The following METTL15 variants were observed in gnomAD, a reference collection of about 807,000 sequenced individuals.
METTL15 encodes the protein 12S rRNA N(4)-cytidine methyltransferase METTL15.
In METTL15, 34 loss-of-function variants were observed where a neutral mutation model predicts 38.3. That is an observed-to-expected ratio of 0.89 (90% CI 0.68 to 1.18). METTL15 has a LOEUF of 1.18. METTL15 is among the 50% of genes most tolerant of loss of function. METTL15 has a pLI of 0.00. For synonymous variants in METTL15, 162 were observed against 170.9 expected (o/e 0.95, Z 0.41); for missense variants, 438 against 498.4 (o/e 0.88, Z 1.15).
At chr11:28,253,192 A>G (rs1477812701) in intron 4 of METTL15, among the ~76,000 whole-genome samples, 2 of 152,100 alleles carry the variant, frequency 1.3e-5, no homozygotes, top group Admixed American at 1.3e-4. Flanking sequence ...TGAAATTGCT[A>G]CTCAGTAGGC....
chr11:28,213,742 G>A (rs1275658229), intron 4 of METTL15, among the ~76,000 whole-genome samples: 5 of 148,198 alleles, frequency 3.4e-5, no homozygotes, highest in Admixed American at 6.8e-5. Context: ...TGCAAGGTCC[G>A]CCTCCCGGGT....
rs1384767467 is a variant in METTL15, at chr11:28,330,588, T to C, written c.971T>C (p.Leu324Pro). The change falls in exon 7 of 7, where the codon CTA becomes CCA. Residue 324 changes from leucine (L) to proline (P), a missense_variant. Leu to Pro is a moderately conservative substitution (Grantham distance 98). Transcript: ENST00000407364. Reference sequence around the variant, plus strand: ...CTTGTTGCCCTCTCCTTCCATTCACTAGAGGATCGCATCGTCAAAAGATTT... The same window carrying C: ...CTTGTTGCCCTCTCCTTCCATTCACCAGAGGATCGCATCGTCAAAAGATTT... ...GRLVALSFHSLEDRIVKRFLL... is the reference protein window; with the variant it reads ...GRLVALSFHSPEDRIVKRFLL... The C allele has an allele frequency of 6.4e-7, 1 of 1,551,544 alleles. No individual in the cohort carries two copies. Among genetic ancestry groups the C allele is most frequent in the Admixed American group, 2.0e-5 (1 of 50,984 alleles).
At chr11:28,299,659 A>G (rs555544676) in intron 6 of METTL15, among the ~76,000 whole-genome samples, 1 of 152,138 alleles carries the variant, frequency 6.6e-6, no homozygotes, top group Non-Finnish European at 1.5e-5. Context: ...GAGGTACTAC[A>G]TAAAGAAAAT....
chr11:28,130,674 A>G (rs984395149), intron 3 of METTL15, among the ~76,000 whole-genome samples: 4 of 152,312 alleles, frequency 2.6e-5, no homozygotes, highest in East Asian at 1.9e-4. Context: ...GTGTCAGTCT[A>G]CATGCGCAGA....
chr11:28,528,861 A>G (rs1851828633), downstream of METTL15, among the ~76,000 whole-genome samples: 1 of 152,212 alleles, frequency 6.6e-6, no homozygotes, highest in Non-Finnish European at 1.5e-5. Context: ...TGAAGCAGAA[A>G]TATTGTAATG....
intron 3 of METTL15, among the ~76,000 whole-genome samples, chr11:28,134,389 C>T (rs1376992758): frequency 3.9e-5 from 6 of 152,150 alleles, no homozygotes; most frequent in Admixed American, 6.5e-5. Flanking sequence ...TTCCCCCGTG[C>T]GTATGTGGGC....
chr11:28,144,620 T>A (rs184887410), intron 3 of METTL15, among the ~76,000 whole-genome samples: 1 of 152,060 alleles, frequency 6.6e-6, no homozygotes, highest in Non-Finnish European at 1.5e-5. Flanking sequence ...GGTTTAGATA[T>A]ATATATGTGC....
intron 3 of METTL15, among the ~76,000 whole-genome samples, chr11:28,164,958 T>C (rs1403379410): frequency 1.3e-5 from 2 of 152,174 alleles, no homozygotes; most frequent in African/African-American, 2.4e-5. Flanking sequence ...AGTATCTGGC[T>C]AATTTCACTT....
chr11:28,448,954 G>A lies in METTL15; in HGVS notation c.*424+24590G>A, dbSNP rs572739303. Among the ~76,000 whole-genome samples the A allele has an allele frequency of 4.6e-5, 7 of 152,222 alleles. No individual in the cohort carries two copies. The South Asian group carries it at 1.5e-3, about 32-fold the overall frequency. On this transcript the variant is annotated intron_variant and NMD_transcript_variant, in intron 6 of 7. Coordinates refer to the METTL15 transcript ENST00000532947. Reference sequence around the variant, plus strand: ...AAATAATTTGCATTTGGGAGGGTTGGGGTGGCCAAAACCTTCTGAAGTAAA... The same window carrying A: ...AAATAATTTGCATTTGGGAGGGTTGAGGTGGCCAAAACCTTCTGAAGTAAA...
intron 3 of METTL15, among the ~76,000 whole-genome samples, chr11:28,116,426 A>G (rs545929200): frequency 1.3e-5 from 2 of 152,328 alleles, no homozygotes; most frequent in African/African-American, 4.8e-5. Context: ...AGTTATTTTT[A>G]TATCTTTCTT....
chr11:28,341,588 T>A (rs1849953205), intron 3 of METTL15, among the ~76,000 whole-genome samples: 2 of 152,226 alleles, frequency 1.3e-5, no homozygotes, highest in South Asian at 4.1e-4. Flanking sequence ...AAAATGAGGA[T>A]GTTAACACCT....
intron 3 of METTL15, among the ~76,000 whole-genome samples, chr11:28,184,387 G>A (rs1413051328): frequency 6.6e-6 from 1 of 151,856 alleles, no homozygotes; most frequent in Non-Finnish European, 1.5e-5. Flanking sequence ...GCTTTCTCTT[G>A]TGGGCATTTA....
intron 3 of METTL15, among the ~76,000 whole-genome samples, chr11:28,191,462 C>T (rs1037560652): frequency 2.0e-5 from 3 of 151,286 alleles, no homozygotes; most frequent in Non-Finnish European, 4.4e-5. Context: ...GTAAAGAAAT[C>T]TACCTTTTAA....
intron 6 of METTL15, among the ~76,000 whole-genome samples, chr11:28,515,357 T>C (rs1407950939): frequency 3.3e-5 from 5 of 152,110 alleles, no homozygotes; most frequent in African/African-American, 1.2e-4. Flanking sequence ...AAAATTTCAA[T>C]GGCCTAATAC....
In METTL15 at chr11:28,287,155, A is replaced by AGTGT. The variant is rs1555024692; in HGVS notation, c.408-3051_408-3050insGTGT. On this transcript the variant is annotated intron_variant, in intron 4 of 6. Coordinates refer to ENST00000407364, the MANE Select transcript of METTL15 (RefSeq NM_001113528.2). ...TGTATATATATAGAGAGAGAGAGAC[A>AGTGT]ATGTGTGTGTGTGTGTGTGTGTGTG... is the stretch of plus-strand genomic sequence containing the variant. 20 of 74,444 alleles carry AGTGT rather than the reference A, an allele frequency of 2.7e-4. No individual in the cohort carries two copies. The East Asian group carries it at 5.9e-3, about 22-fold the overall frequency. 4.6% of individuals were successfully genotyped at this position (74,444 alleles called of 1,614,324 possible). A position where few individuals can be genotyped will look rare whatever the true frequency, so the allele number is the denominator to read the frequency against.
At chr11:28,187,880 AT>A (rs1468577437) in intron 3 of METTL15, among the ~76,000 whole-genome samples, 6 of 151,298 alleles carry the variant, frequency 4.0e-5, no homozygotes, top group African/African-American at 1.5e-4. Flanking sequence ...AAATTTTCTA[AT>A]AAATTTCCTA....
intron 5 of METTL15, among the ~76,000 whole-genome samples, chr11:28,423,907 A>G (rs1245026473): frequency 6.6e-6 from 1 of 152,152 alleles, no homozygotes; most frequent in Non-Finnish European, 1.5e-5. Context: ...TGGATACCTC[A>G]TGCACTCTGA....
chr11:28,237,602 C>T (rs1418402988), intron 4 of METTL15, among the ~76,000 whole-genome samples: 2 of 152,204 alleles, frequency 1.3e-5, no homozygotes, highest in Non-Finnish European at 2.9e-5. Flanking sequence ...TCTCTCAACT[C>T]GTCAAAGTCA....
intron 4 of METTL15, among the ~76,000 whole-genome samples, chr11:28,354,344 G>A (rs868346220): frequency 9.2e-5 from 14 of 152,300 alleles, no homozygotes; most frequent in Admixed American, 3.9e-4. Context: ...TATTGGGGGA[G>A]AGGAGAATAG....
Sources: gnomAD v4.1 joint callset for allele counts (sites outside exome capture counted in the v4.1 genomes callset) on GRCh38, gnomAD v4.1.1 for gene constraint, MANE v1.5 for transcripts, NCBI Gene and HGNC (gene_info 2026-07-23, HGNC 2026-07-21) for gene names.